Variants in GPBP1L1 observed in about 807,000 individuals in gnomAD.
GPBP1L1 encodes GC-rich promoter binding protein 1 like 1.
A neutral mutation model predicts 52.5 loss-of-function variants in GPBP1L1; 23 were observed. The ratio of observed to expected loss-of-function variants is 0.44; its 90% confidence interval spans 0.32 to 0.62. The LOEUF is 0.62. GPBP1L1 is among the 20% of genes least tolerant of loss of function. GPBP1L1 has a pLI of 0.06. For synonymous variants in GPBP1L1, 243 were observed against 203.1 expected (o/e 1.20, Z -1.67); for missense variants, 596 against 579.3 (o/e 1.03, Z -0.30).
rs181178508 is a variant in GPBP1L1 at position 45,662,885 on chromosome 1, T to C, written c.-1097-1660A>G. 4.4e-3 allele frequency among the ~76,000 whole-genome samples: 667 copies of C among 151,984 alleles called. 4 individuals carry two copies. Among genetic ancestry groups the C allele is most frequent in the Non-Finnish European group, 5.8e-3 (395 of 67,962 alleles). ...GGCCAACATGGTGAAACCCCGTCAC[T>C]ACTAAGAATACGAAAATTAGCCAGG... is the stretch of plus-strand genomic sequence containing the variant. On this transcript the variant is annotated intron_variant, in intron 2 of 12. Transcript: ENST00000355105.
upstream of GPBP1L1, chr1:45,687,822 G>A (rs1645309149): frequency 6.6e-6 from 1 of 152,204 alleles, no homozygotes; most frequent in African/African-American, 2.4e-5. Flanking sequence ...CTAATGCAGT[G>A]AGATGTGTCC....
intron 3 of GPBP1L1, among the ~76,000 whole-genome samples, chr1:45,659,927 T>TGA (rs1379515995): frequency 9.2e-5 from 14 of 151,946 alleles, no homozygotes; most frequent in African/African-American, 3.4e-4. Context: ...GGTGACAGAG[T>TGA]GAGACCCTGC....
chr1:45,666,288 G>A (rs1645010126), intron 2 of GPBP1L1, among the ~76,000 whole-genome samples: 1 of 151,920 alleles, frequency 6.6e-6, no homozygotes. Flanking sequence ...TGGGACTACA[G>A]GCGCCCACCA....
intron 2 of GPBP1L1, among the ~76,000 whole-genome samples, chr1:45,679,963 G>A (rs1387772881): frequency 7.5e-6 from 1 of 132,956 alleles, no homozygotes; most frequent in Non-Finnish European, 1.6e-5. Flanking sequence ...GCGGGGGGTG[G>A]GGGCCCAGGA....
intron 2 of GPBP1L1, among the ~76,000 whole-genome samples, chr1:45,684,109 T>C (rs1028294481): frequency 2.0e-5 from 3 of 151,286 alleles, no homozygotes; most frequent in Non-Finnish European, 4.4e-5. Flanking sequence ...ATACAAAAAA[T>C]TAGCCAGGCG....
chr1:45,665,538 C>T lies in GPBP1L1; in HGVS notation c.-1097-4313G>A, dbSNP rs1045724937. Among the ~76,000 whole-genome samples, 25 of 152,058 alleles carry T rather than the reference C, an allele frequency of 1.6e-4. No individual in the cohort carries two copies. The South Asian group carries it at 3.1e-3, about 19-fold the overall frequency. ...GTCTGAGGCAGGCGGATCACAAGTT[C>T]GAGACCAGCCCGACCAACATGGTGA... On this transcript the variant is annotated intron_variant, in intron 2 of 12. Transcript: ENST00000355105.
At chr1:45,686,715 C>G (rs1645293521), upstream of GPBP1L1, 1 of 152,428 alleles carries the variant, frequency 6.6e-6, no homozygotes, top group South Asian at 2.1e-4. Context: ...CGTTCGGCCT[C>G]CAGAACGGCG....
intron 6 of GPBP1L1, among the ~76,000 whole-genome samples, chr1:45,647,440 C>T (rs1394646579): frequency 2.6e-5 from 4 of 152,190 alleles, no homozygotes; most frequent in African/African-American, 7.2e-5. Flanking sequence ...GCATGAACAA[C>T]GATAGAACCC....
At chr1:45,636,943 G>C (rs1306199119) in intron 8 of GPBP1L1, among the ~76,000 whole-genome samples, 1 of 151,934 alleles carries the variant, frequency 6.6e-6, no homozygotes, top group East Asian at 1.9e-4. Context: ...TATTAGCTAT[G>C]TAACCCCACA....
chr1:45,682,695 A>G (rs544307946), intron 2 of GPBP1L1, among the ~76,000 whole-genome samples: 1 of 152,334 alleles, frequency 6.6e-6, no homozygotes, highest in Non-Finnish European at 1.5e-5. Context: ...TTGCCTTAGT[A>G]AAGAAAAATA....
intron 6 of GPBP1L1, chr1:45,651,311 AG>A: frequency 2.6e-6 from 1 of 384,054 alleles, no homozygotes; most frequent in Admixed American, 3.5e-5. Flanking sequence ...TTTACGACAC[AG>A]GGCAGGTAGG....
At chr1:45,649,883 A>G (rs535109347) in intron 6 of GPBP1L1, among the ~76,000 whole-genome samples, 1 of 152,206 alleles carries the variant, frequency 6.6e-6, no homozygotes, top group South Asian at 2.1e-4. Flanking sequence ...CCCATCATAG[A>G]TTATTTGGCT....
chr1:45,653,555 T>C (rs993561365), intron 6 of GPBP1L1, among the ~76,000 whole-genome samples: 9 of 152,032 alleles, frequency 5.9e-5, no homozygotes, highest in African/African-American at 2.2e-4. Flanking sequence ...GACAAGGATC[T>C]TGCTGTGCTG....
chr1:45,664,639 A>C (rs1644988182), intron 2 of GPBP1L1, among the ~76,000 whole-genome samples: 1 of 151,972 alleles, frequency 6.6e-6, no homozygotes, highest in Admixed American at 6.6e-5. Flanking sequence ...GGCTGGTCTC[A>C]AATGCCTGAG....
At chr1:45,665,599 G>A (rs1241719318) in intron 2 of GPBP1L1, among the ~76,000 whole-genome samples, 2 of 151,780 alleles carry the variant, frequency 1.3e-5, no homozygotes, top group Admixed American at 6.6e-5. Flanking sequence ...AAACTAGCCG[G>A]GTGTGGTGGT....
rs186826917 is a variant in GPBP1L1, at chr1:45,631,613, C to G, written c.1045-1007G>C. 2.6e-5 allele frequency among the ~76,000 whole-genome samples: 4 copies of G among 152,234 alleles called. No individual in the cohort carries two copies. The East Asian group carries it at 7.7e-4, about 29-fold the overall frequency. On this transcript the variant is annotated intron_variant, in intron 10 of 12. Coordinates refer to ENST00000355105, the MANE Select transcript of GPBP1L1 (RefSeq NM_021639.5). ...TAAAATAAAAAAAATTTCTGCTTTG[C>G]AAAACACTCTGTCAAGAGAATTAAA...
Position 45,655,255 on chromosome 1 carries a change from A to C in GPBP1L1, c.125T>G (p.Val42Gly). ...HLPRGEGRFG[V>G]SRRRHNSSDG... ...AGAGGAATTATGTCGACGGCGGCTT[A>C]CTCCAAATCTACCTTCTCCTCTGGG... Residue 42 changes from valine to glycine, a missense_variant, in exon 5 of 13, where the codon GTA (valine) becomes GGA (glycine). Physicochemically the swap from Val to Gly is moderately radical, Grantham distance 109 (BLOSUM62 -3). Transcript: ENST00000355105. The C allele has an allele frequency of 6.2e-7, 1 of 1,614,114 alleles. No individual in the cohort carries two copies. Among genetic ancestry groups the C allele is most frequent in the African/African-American group, 1.3e-5 (1 of 75,040 alleles).
At chr1:45,665,389 A>T (rs1323452834) in intron 2 of GPBP1L1, among the ~76,000 whole-genome samples, 1 of 152,168 alleles carries the variant, frequency 6.6e-6, no homozygotes, top group African/African-American at 2.4e-5. Context: ...TAGAATTTTC[A>T]TAATTGTCAG....
Position 45,640,255 on chromosome 1 carries a change from A to G in GPBP1L1, c.699T>C (p.Ser233=). The G allele has an allele frequency of 6.2e-7, 1 of 1,614,212 alleles. No individual in the cohort carries two copies. The highest frequency in any genetic ancestry group is 1.7e-5 in the Admixed American group (1 of 60,026). Residue 233 remains serine, a synonymous_variant, in exon 8 of 13, where the codon AGT becomes AGC. Coordinates refer to ENST00000355105, the MANE Select transcript of GPBP1L1 (RefSeq NM_021639.5). ...GCTTAGGAACCAGGTTCTTATAGAC[A>G]CTTGGAACCACGGATGACAATTTGT... ...NGNKLSSVVP[S]VYKNLVPKPV... is the part of the protein sequence containing the mutation.
Sources: gnomAD v4.1 joint callset for allele counts (sites outside exome capture counted in the v4.1 genomes callset) on GRCh38, gnomAD v4.1.1 for gene constraint, MANE v1.5 for transcripts, NCBI Gene and HGNC (gene_info 2026-07-23, HGNC 2026-07-21) for gene names.